MICU1: variants seen among roughly 807,000 people sequenced by gnomAD.
The protein encoded by MICU1 is calcium uptake protein 1, mitochondrial.
MICU1 carries 45 observed loss-of-function variants against 56.8 expected under a neutral mutation model. The ratio of observed to expected loss-of-function variants is 0.79; its 90% CI spans 0.62 to 1.02. MICU1 has a LOEUF of 1.02. MICU1 is among the 50% of genes least tolerant of loss of function. The probability of loss-of-function intolerance (pLI) is 0.00; values close to 1 mark genes in which losing one functional copy is unlikely to be tolerated. For synonymous variants in MICU1, 186 were observed against 195.1 expected, an observed-to-expected ratio of 0.95 and a Z score of 0.39; for missense variants, 504 against 587.1, an observed-to-expected ratio of 0.86 and a Z score of 1.46.
At chr10:72,615,151 T>C (rs1165513765) in intron 1 of MICU1, among the ~76,000 whole-genome samples, 1 of 152,174 alleles carries the variant, frequency 6.6e-6, no homozygotes, top group African/African-American at 2.4e-5. Flanking sequence ...TCAGTCTCAC[T>C]CTGTTGCCTA....
intron 4 of MICU1, among the ~76,000 whole-genome samples, chr10:72,544,283 T>G (rs1293218740): frequency 6.6e-6 from 1 of 152,078 alleles, no homozygotes; most frequent in Non-Finnish European, 1.5e-5. Context: ...GAGACGTGAG[T>G]CTTGCCGAAG....
intron 3 of MICU1, among the ~76,000 whole-genome samples, chr10:72,562,149 T>TTTTTTC (rs1184747697): frequency 1.5e-5 from 2 of 132,154 alleles, no homozygotes; most frequent in Non-Finnish European, 3.3e-5. Context: ...CATAAAATCT[T>TTTTTTC]TTTTTTTTTT....
chr10:72,427,469 C>T (rs546531357), intron 8 of MICU1, among the ~76,000 whole-genome samples: 34 of 152,272 alleles, frequency 2.2e-4, no homozygotes, highest in Middle Eastern at 3.4e-3. Flanking sequence ...GCAAGTGGGT[C>T]TTCATTTGTT....
chr10:72,593,961 C>T (rs1841299518), intron 1 of MICU1, among the ~76,000 whole-genome samples: 1 of 152,178 alleles, frequency 6.6e-6, no homozygotes, highest in Non-Finnish European at 1.5e-5. Context: ...TCTACAGATT[C>T]AATGCAATCC....
At chr10:72,531,908 CTT>C (rs1034478597) in intron 5 of MICU1, among the ~76,000 whole-genome samples, 1 of 137,678 alleles carries the variant, frequency 7.3e-6, no homozygotes, top group Admixed American at 7.2e-5. Flanking sequence ...AGTCCTTTAT[CTT>C]TTTTTTTTGA....
chr10:72,385,778 T>C (rs2132056144), intron 10 of MICU1, among the ~76,000 whole-genome samples: 1 of 152,224 alleles, frequency 6.6e-6, no homozygotes. Flanking sequence ...GAGGTTACTG[T>C]ATATGAGAAA....
intron 10 of MICU1, among the ~76,000 whole-genome samples, chr10:72,386,626 C>T (rs1317743881): frequency 3.4e-5 from 5 of 144,988 alleles, no homozygotes; most frequent in African/African-American, 1.3e-4. Flanking sequence ...GTAGCATGAT[C>T]ATAGCTCACT....
intron 3 of MICU1, among the ~76,000 whole-genome samples, chr10:72,554,155 A>G (rs186797805): frequency 2.6e-4 from 40 of 152,336 alleles, no homozygotes; most frequent in African/African-American, 9.6e-4. Context: ...AGGAGTAGCC[A>G]AAGAGAATTT....
At chr10:72,488,663 G>C (rs1169217705) in intron 6 of MICU1, among the ~76,000 whole-genome samples, 1 of 152,134 alleles carries the variant, frequency 6.6e-6, no homozygotes, top group East Asian at 1.9e-4. Context: ...CTCCAGTCAA[G>C]GGAGATTTAA....
At chr10:72,416,112 A>G (rs1863974140) in intron 9 of MICU1, among the ~76,000 whole-genome samples, 1 of 152,170 alleles carries the variant, frequency 6.6e-6, no homozygotes, top group African/African-American at 2.4e-5. Flanking sequence ...TAAGCTCTGA[A>G]GTAGGCTCTC....
chr10:72,553,148 G>C (rs1840076384), intron 3 of MICU1, among the ~76,000 whole-genome samples: 1 of 152,074 alleles, frequency 6.6e-6, no homozygotes, highest in Non-Finnish European at 1.5e-5. Flanking sequence ...GCAGCCTTGA[G>C]ACATAGCTAC....
chr10:72,514,348 TTTTC>T (rs1274977629), intron 5 of MICU1, among the ~76,000 whole-genome samples: 1 of 152,148 alleles, frequency 6.6e-6, no homozygotes, highest in Non-Finnish European at 1.5e-5. Flanking sequence ...TTTCTTTTTT[TTTTC>T]TTTCTGTGAT....
At chr10:72,512,097 G>GTTTTTTTTTTTTTTTTTTTTTTT (rs1867471926) in intron 5 of MICU1, among the ~76,000 whole-genome samples, 12 of 100,688 alleles carry the variant, frequency 1.2e-4, no homozygotes, top group African/African-American at 5.0e-4. Flanking sequence ...TCCATACACA[G>GTTTTTTTTTTTTTTTTTTTTTTT]TTGTTTTTTG....
chr10:72,599,738 C>T (rs1841474867), intron 1 of MICU1, among the ~76,000 whole-genome samples: 1 of 152,108 alleles, frequency 6.6e-6, no homozygotes, highest in South Asian at 2.1e-4. Context: ...CTCTTTCTTA[C>T]TTACATTGGC....
At chr10:72,451,936 C>T (rs942728650) in intron 8 of MICU1, among the ~76,000 whole-genome samples, 6 of 152,160 alleles carry the variant, frequency 3.9e-5, no homozygotes, top group African/African-American at 1.4e-4. Flanking sequence ...ACGATCTCTG[C>T]TCACTGAAAC....
chr10:72,535,463 A>G (rs1172660334), intron 4 of MICU1, among the ~76,000 whole-genome samples: 1 of 152,242 alleles, frequency 6.6e-6, no homozygotes, highest in Non-Finnish European at 1.5e-5. Flanking sequence ...TCAATCCAAG[A>G]GGTTTAGTAT....
chr10:72,498,616 C>G (rs553714171), intron 6 of MICU1, among the ~76,000 whole-genome samples: 6 of 151,892 alleles, frequency 4.0e-5, no homozygotes, highest in South Asian at 2.1e-4. Flanking sequence ...AAAAAAGAAG[C>G]CTTCGGATTT....
At chr10:72,571,974 A>G (rs894114966) in intron 1 of MICU1, among the ~76,000 whole-genome samples, 1 of 152,064 alleles carries the variant, frequency 6.6e-6, no homozygotes, top group Non-Finnish European at 1.5e-5. Context: ...AAAAGGAGAA[A>G]TAAATTAAAA....
intron 5 of MICU1, among the ~76,000 whole-genome samples, chr10:72,527,350 CTTTT>C (rs1867992824): frequency 6.6e-6 from 1 of 151,044 alleles, no homozygotes; most frequent in South Asian, 2.1e-4. Flanking sequence ...CTTTTCTGTA[CTTTT>C]TCTTTTGTTT....
Sources: gnomAD v4.1 joint callset for allele counts (sites outside exome capture counted in the v4.1 genomes callset) on GRCh38, gnomAD v4.1.1 for gene constraint, MANE v1.5 for transcripts, NCBI Gene and HGNC (gene_info 2026-07-23, HGNC 2026-07-21) for gene names.